CTNNA2: variants seen among roughly 807,000 people sequenced by gnomAD.
CTNNA2 encodes the protein catenin alpha-2.
In CTNNA2, 42 loss-of-function variants were observed where a neutral mutation model predicts 101.0. The ratio of observed to expected loss-of-function variants is 0.42; its 90% CI spans 0.32 to 0.54. The LOEUF is 0.54. Ranked by LOEUF, CTNNA2 falls within the 20% of genes least tolerant of loss-of-function variation. CTNNA2 has a pLI of 0.14. For missense variants in CTNNA2, 871 were observed against 1,223.1 expected (o/e 0.71, Z 4.29); for synonymous variants, 450 against 456.4 (o/e 0.99, Z 0.18).
At chr2:80,464,596 A>G (rs781324872) in intron 9 of CTNNA2, among the ~76,000 whole-genome samples, 7 of 152,156 alleles carry the variant, frequency 4.6e-5, no homozygotes, top group Admixed American at 6.5e-5. Flanking sequence ...TGAAAATTCA[A>G]TATTAGCTAG....
intron 1 of CTNNA2, among the ~76,000 whole-genome samples, chr2:79,620,123 A>T (rs1678899927): frequency 6.6e-6 from 1 of 152,172 alleles, no homozygotes; most frequent in East Asian, 1.9e-4. Flanking sequence ...CATAAAATCT[A>T]TTTATGTCAG....
intron 7 of CTNNA2, chr2:80,163,229 G>A: frequency 1.1e-6 from 1 of 878,686 alleles, no homozygotes; most frequent in East Asian, 2.5e-5. Context: ...TATTATTATA[G>A]TAGATTATAT....
intron 9 of CTNNA2, among the ~76,000 whole-genome samples, chr2:80,486,316 G>A (rs917005916): frequency 6.6e-6 from 1 of 152,078 alleles, no homozygotes; most frequent in African/African-American, 2.4e-5. Context: ...TAATAGTTCA[G>A]GCTCTGCAAT....
chr2:79,311,273 A>G (rs958759829), intron 2 of CTNNA2, among the ~76,000 whole-genome samples: 1 of 151,942 alleles, frequency 6.6e-6, no homozygotes, highest in Admixed American at 6.6e-5. Context: ...GCCCGGCGTG[A>G]TGGCGGGCGC....
chr2:79,201,720 A>G (rs1370681205), intron 2 of CTNNA2, among the ~76,000 whole-genome samples: 2 of 152,140 alleles, frequency 1.3e-5, no homozygotes, highest in Admixed American at 6.5e-5. Flanking sequence ...ACCAAGCCCT[A>G]ATAGGAGATT....
At chr2:79,589,033 G>A (rs1676678439) in intron 1 of CTNNA2, among the ~76,000 whole-genome samples, 1 of 152,210 alleles carries the variant, frequency 6.6e-6, no homozygotes, top group Non-Finnish European at 1.5e-5. Context: ...TTATCAGTGG[G>A]AATAACTGAA....
chr2:79,632,421 A>G (rs1437655157), intron 1 of CTNNA2, among the ~76,000 whole-genome samples: 1 of 152,214 alleles, frequency 6.6e-6, no homozygotes, highest in Non-Finnish European at 1.5e-5. Flanking sequence ...AAGTAACAAT[A>G]AATATATTTC....
At chr2:79,378,769 T>C (rs1678007606) in intron 4 of CTNNA2, among the ~76,000 whole-genome samples, 1 of 152,130 alleles carries the variant, frequency 6.6e-6, no homozygotes, top group Non-Finnish European at 1.5e-5. Flanking sequence ...AAAAAAATCC[T>C]TTTGGGAGCT....
In CTNNA2 at chr2:79,197,606, ATAACTC is replaced by A. The variant is rs1310900271; in HGVS notation, c.-523-349_-523-344del. Among the ~76,000 whole-genome samples, 6 of 152,366 alleles carry A rather than the reference ATAACTC, an allele frequency of 3.9e-5. No individual in the cohort carries two copies. The South Asian group carries it at 1.2e-3, about 32-fold the overall frequency. On this transcript the variant is annotated intron_variant, in intron 1 of 21. Coordinates refer to the CTNNA2 transcript ENST00000466387. ...ATTTTTATAATGTTAAATGATAACT[ATAACTC>A]TAAAGAGATGCAAAGGAACAGGCTA... is the stretch of plus-strand genomic sequence containing the variant.
intron 2 of CTNNA2, among the ~76,000 whole-genome samples, chr2:79,218,341 G>A (rs1466649903): frequency 7.7e-4 from 59 of 76,350 alleles, no homozygotes; most frequent in African/African-American, 2.2e-3. Flanking sequence ...GTGTGTGTGT[G>A]TGTGTGTGTA....
chr2:80,558,445 T>A (rs1207957808), intron 12 of CTNNA2, among the ~76,000 whole-genome samples: 1 of 5,734 alleles, frequency 1.7e-4, no homozygotes, highest in Admixed American at 5.1e-3. Context: ...GTTTTGTTGG[T>A]GTGTGTGTGT....
At chr2:79,228,643 A>G (rs1345018118) in intron 2 of CTNNA2, among the ~76,000 whole-genome samples, 3 of 150,100 alleles carry the variant, frequency 2.0e-5, no homozygotes, top group African/African-American at 7.3e-5. Context: ...TAGATTCTGG[A>G]TATTAGACTT....
intron 2 of CTNNA2, among the ~76,000 whole-genome samples, chr2:79,242,890 G>T (rs912427021): frequency 1.3e-5 from 2 of 151,178 alleles, no homozygotes; most frequent in African/African-American, 2.4e-5. Flanking sequence ...ATTCGTTGAG[G>T]GGGGAGTATG....
intron 12 of CTNNA2, among the ~76,000 whole-genome samples, chr2:80,561,970 C>CT (rs112398304): frequency 0.01 from 1,590 of 152,156 alleles, 29 homozygotes; most frequent in African/African-American, 0.036. Flanking sequence ...GCCACCGCGC[C>CT]TGGCCACGTT....
intron 9 of CTNNA2, among the ~76,000 whole-genome samples, chr2:80,486,898 A>G (rs1247112344): frequency 6.6e-6 from 1 of 152,062 alleles, no homozygotes; most frequent in Non-Finnish European, 1.5e-5. Context: ...CGGATCCCAC[A>G]TTGTGTGTAG....
intron 1 of CTNNA2, among the ~76,000 whole-genome samples, chr2:79,582,320 A>T (rs114514324): frequency 5.9e-5 from 9 of 152,226 alleles, no homozygotes; most frequent in African/African-American, 1.7e-4. Context: ...TCAAACGTAC[A>T]CAAGAGTAGA....
At chr2:80,431,270 G>C (rs1286290351) in intron 9 of CTNNA2, among the ~76,000 whole-genome samples, 2 of 152,160 alleles carry the variant, frequency 1.3e-5, no homozygotes, top group Non-Finnish European at 2.9e-5. Flanking sequence ...CAGTGGGTAT[G>C]TACTTTCAAC....
intron 7 of CTNNA2, among the ~76,000 whole-genome samples, chr2:80,187,703 A>G (rs1706220535): frequency 6.6e-6 from 1 of 152,192 alleles, no homozygotes; most frequent in Non-Finnish European, 1.5e-5. Context: ...GGAAGAACAG[A>G]GAGAAAGAGG....
chr2:79,551,345 G>C (rs1340440583), intron 1 of CTNNA2, among the ~76,000 whole-genome samples: 1 of 152,136 alleles, frequency 6.6e-6, no homozygotes, highest in Non-Finnish European at 1.5e-5. Context: ...GAGGCAAGAG[G>C]TTACATTCTT....
Sources: allele counts gnomAD v4.1 joint callset (sites outside exome capture counted in the v4.1 genomes callset), GRCh38; gene constraint gnomAD v4.1.1; transcripts MANE v1.5; gene names NCBI Gene and HGNC (gene_info 2026-07-23, HGNC 2026-07-21).